The following GALNT14 variants were observed in gnomAD, a reference collection of about 807,000 sequenced individuals.
GALNT14 encodes the protein polypeptide N-acetylgalactosaminyltransferase 14.
GALNT14 carries 60 observed loss-of-function variants against 77.5 expected under a neutral mutation model. The observed-to-expected ratio is 0.77, with a 90% CI of 0.63 to 0.96. The LOEUF (loss-of-function observed/expected upper bound fraction) is 0.96, where lower values mean the gene tolerates loss of function less well. GALNT14 is among the 40% of genes least tolerant of loss of function. GALNT14 has a pLI of 0.00. For synonymous variants in GALNT14, 280 were observed against 281.7 expected (o/e 0.99, Z 0.06); for missense variants, 710 against 731.0 (o/e 0.97, Z 0.33).
Position 30,941,712 on chromosome 2 carries a change from C to T in GALNT14, c.931+489G>A, listed in dbSNP as rs565334982. 2.0e-4 allele frequency among the ~76,000 whole-genome samples: 31 copies of T among 152,352 alleles called. No individual in the cohort carries two copies. In the South Asian group the frequency reaches 6.0e-3, roughly 29 times the overall value. On this transcript the variant is annotated intron_variant, in intron 9 of 14. Transcript: ENST00000349752. Reference sequence around the variant, plus strand: ...GGGCAAAATATCCCCAGACCCTCCTCATTACCCGAAACTGAGTGCTGCAAT... The same window carrying T: ...GGGCAAAATATCCCCAGACCCTCCTTATTACCCGAAACTGAGTGCTGCAAT...
intron 1 of GALNT14, among the ~76,000 whole-genome samples, chr2:31,086,259 C>A (rs1287337076): frequency 6.6e-6 from 1 of 152,198 alleles, no homozygotes; most frequent in Non-Finnish European, 1.5e-5. Context: ...CAACTTGCGG[C>A]TACCCTCTAA....
intron 1 of GALNT14, among the ~76,000 whole-genome samples, chr2:31,118,562 A>C: frequency 6.6e-6 from 1 of 152,322 alleles, no homozygotes; most frequent in Middle Eastern, 3.4e-3. Context: ...TAAATCAAGA[A>C]TAAAACAAAA....
intron 1 of GALNT14, among the ~76,000 whole-genome samples, chr2:31,066,862 A>C (rs925283177): frequency 1.8e-4 from 27 of 152,100 alleles, no homozygotes; most frequent in African/African-American, 6.5e-4. Context: ...GTCACATAGA[A>C]AGCTGCCCAG....
At chr2:30,959,529 T>A (rs1056359941) in intron 3 of GALNT14, among the ~76,000 whole-genome samples, 4 of 152,120 alleles carry the variant, frequency 2.6e-5, no homozygotes, top group Non-Finnish European at 2.9e-5. Context: ...CAAGTTACTT[T>A]ACTGCTCTGT....
chr2:30,988,790 C>A (rs1473582830), intron 2 of GALNT14, among the ~76,000 whole-genome samples: 1 of 152,192 alleles, frequency 6.6e-6, no homozygotes, highest in Non-Finnish European at 1.5e-5. Context: ...AACTCCACCC[C>A]CAGAGTTTCT....
chr2:31,138,048 G>C lies in GALNT14; in HGVS notation c.39C>G (p.Phe13Leu). Residue 13 changes from phenylalanine to leucine, a missense_variant, in exon 1 of 15, where the codon TTC (phenylalanine) becomes TTG (leucine). Phe to Leu is a conservative substitution (Grantham distance 22). Coordinates refer to ENST00000349752, the MANE Select transcript of GALNT14 (RefSeq NM_024572.4). ...GCAGCACCGTGATCCAGAGCACCCC[G>C]AAGACTGGCAGAACCAGCCGACGAG... The part of the protein sequence containing the change: ...RLTRRLVLPV[F>L]GVLWITVLLF... 9 of 1,613,818 alleles carry C rather than the reference G, an allele frequency of 5.6e-6. No homozygotes were observed. The highest frequency in any genetic ancestry group is 7.6e-6 in the Non-Finnish European group (9 of 1,179,804).
At chr2:30,923,224 G>A (rs966855086) in intron 13 of GALNT14, among the ~76,000 whole-genome samples, 11 of 151,178 alleles carry the variant, frequency 7.3e-5, no homozygotes, top group Non-Finnish European at 1.3e-4. Context: ...CACCCTGCCC[G>A]GCTAATTTTT....
chr2:31,078,436 T>C (rs749310808), intron 1 of GALNT14, among the ~76,000 whole-genome samples: 9 of 152,146 alleles, frequency 5.9e-5, no homozygotes, highest in Non-Finnish European at 1.3e-4. Context: ...GAAAACCCTA[T>C]TATTGTTTTA....
chr2:30,920,664 T>A (rs201094898), intron 13 of GALNT14, among the ~76,000 whole-genome samples: 1 of 135,886 alleles, frequency 7.4e-6, no homozygotes. Flanking sequence ...CACACACACA[T>A]AGGCACACAT....
chr2:31,122,656 A>T (rs954309292), intron 1 of GALNT14, among the ~76,000 whole-genome samples: 1 of 152,232 alleles, frequency 6.6e-6, no homozygotes, highest in Non-Finnish European at 1.5e-5. Context: ...CACACTGAGA[A>T]ACAAAACATC....
chr2:31,088,486 A>G (rs1676569389), intron 1 of GALNT14, among the ~76,000 whole-genome samples: 1 of 152,090 alleles, frequency 6.6e-6, no homozygotes, highest in Non-Finnish European at 1.5e-5. Context: ...TTGTGAGAAC[A>G]TGTCTTGGGT....
chr2:31,057,348 ATG>A (rs35039993), intron 1 of GALNT14, among the ~76,000 whole-genome samples: 29,758 of 111,414 alleles, frequency 0.27, 3,819 homozygotes, highest in East Asian at 0.44. Context: ...ACGTATATAT[ATG>A]TGTGTGTGTG....
chr2:30,977,092 C>CTTTTTTTT (rs11314175), intron 2 of GALNT14, among the ~76,000 whole-genome samples: 2,251 of 134,894 alleles, frequency 0.017, 44 homozygotes, highest in East Asian at 0.054. Context: ...GCTTTTCTGT[C>CTTTTTTTT]TTTTTTTTTT....
At chr2:30,926,356 C>A (rs568264081) in intron 11 of GALNT14, among the ~76,000 whole-genome samples, 3 of 152,266 alleles carry the variant, frequency 2.0e-5, no homozygotes, top group African/African-American at 7.2e-5. Flanking sequence ...GCAACGAAAA[C>A]TCTTCACGGG....
chr2:30,923,953 A>G (rs1403965267), intron 13 of GALNT14, among the ~76,000 whole-genome samples, 166 bp downstream of exon 13: 1 of 152,194 alleles, frequency 6.6e-6, no homozygotes, highest in Non-Finnish European at 1.5e-5. Flanking sequence ...AAGCAGTGTA[A>G]GCACAGTGGC....
At chr2:31,020,304 G>A (rs978488085) in intron 1 of GALNT14, among the ~76,000 whole-genome samples, 1 of 152,194 alleles carries the variant, frequency 6.6e-6, no homozygotes, top group Non-Finnish European at 1.5e-5. Flanking sequence ...ATGGAAAGCT[G>A]ATTTTGCTAG....
At chr2:31,000,271 A>C (rs1670283197) in intron 1 of GALNT14, among the ~76,000 whole-genome samples, 1 of 152,086 alleles carries the variant, frequency 6.6e-6, no homozygotes, top group Admixed American at 6.5e-5. Flanking sequence ...AGGCAATTCC[A>C]CGTTGTCCAA....
intron 6 of GALNT14, among the ~76,000 whole-genome samples, chr2:30,948,827 GC>G (rs557592133): frequency 1.8e-4 from 27 of 152,248 alleles, no homozygotes; most frequent in African/African-American, 6.3e-4. Context: ...ATCCTGTTTT[GC>G]TTTGACTTTA....
intron 1 of GALNT14, among the ~76,000 whole-genome samples, chr2:31,078,666 G>C (rs1675962797): frequency 6.6e-6 from 1 of 152,200 alleles, no homozygotes; most frequent in East Asian, 1.9e-4. Flanking sequence ...AGAAGTACCA[G>C]AATCAGGGAG....
Sources: gnomAD v4.1 joint callset for allele counts (sites outside exome capture counted in the v4.1 genomes callset) on GRCh38, gnomAD v4.1.1 for gene constraint, MANE v1.5 for transcripts, NCBI Gene and HGNC (gene_info 2026-07-23, HGNC 2026-07-21) for gene names.